Variants in SLC9C1 observed in about 807,000 individuals in gnomAD.
SLC9C1 encodes the protein sodium/hydrogen exchanger 10.
A neutral mutation model predicts 140.9 loss-of-function variants in SLC9C1; 97 were observed. The ratio of observed to expected loss-of-function variants is 0.69; its 90% CI spans 0.58 to 0.82. The LOEUF is 0.82. Ranked by LOEUF, SLC9C1 falls within the 40% of genes least tolerant of loss-of-function variation. SLC9C1 has a pLI of 0.00. For missense variants in SLC9C1, 1,340 were observed against 1,389.3 expected, an observed-to-expected ratio of 0.96 and a Z score of 0.56; for synonymous variants, 440 against 442.6, an observed-to-expected ratio of 0.99 and a Z score of 0.07.
rs1270494144 is a variant in SLC9C1, at chr3:112,204,621, A to G, written c.1987-218T>C. 2.8e-4 allele frequency among the ~76,000 whole-genome samples: 43 copies of G among 152,112 alleles called. 1 individual carries two copies. Among genetic ancestry groups the G allele is most frequent in the Admixed American group, 2.7e-3 (41 of 15,234 alleles). On this transcript the variant is annotated intron_variant, in intron 16 of 28. Transcript: ENST00000305815. ...ATTAATTTAGGATTGGGTTTAAAGG[A>G]CAGGTATAATGAAAACAAACAAATG...
chr3:112,237,052 G>A (rs1230532540), intron 12 of SLC9C1, among the ~76,000 whole-genome samples: 1 of 152,134 alleles, frequency 6.6e-6, no homozygotes, highest in Non-Finnish European at 1.5e-5. Context: ...TCTGTCTAAT[G>A]TTGACAGTGG....
intron 15 of SLC9C1, among the ~76,000 whole-genome samples, chr3:112,216,730 A>C (rs2078382684): frequency 6.6e-6 from 1 of 152,220 alleles, no homozygotes; most frequent in Admixed American, 6.5e-5. Flanking sequence ...GATGTGGAGA[A>C]ATAGGAACAC....
intron 10 of SLC9C1, among the ~76,000 whole-genome samples, chr3:112,253,739 C>G (rs1481382618): frequency 6.6e-6 from 1 of 152,164 alleles, no homozygotes; most frequent in African/African-American, 2.4e-5. Flanking sequence ...CTCCAAATGA[C>G]CACACTAGTT....
intron 10 of SLC9C1, 39 bp downstream of exon 10, chr3:112,262,885 T>G (rs2079814385): frequency 6.7e-7 from 1 of 1,484,994 alleles, no homozygotes; most frequent in East Asian, 2.5e-5. Context: ...AGTAATAGTT[T>G]TATACAATAT....
chr3:112,193,425 G>T (rs1576311729), intron 20 of SLC9C1, among the ~76,000 whole-genome samples: 1 of 152,232 alleles, frequency 6.6e-6, no homozygotes, highest in African/African-American at 2.4e-5. Context: ...GCAGAGGCTT[G>T]TGGGGCTGTT....
chr3:112,260,248 C>T (rs538022986), intron 10 of SLC9C1, among the ~76,000 whole-genome samples: 4 of 151,744 alleles, frequency 2.6e-5, no homozygotes, highest in Non-Finnish European at 4.4e-5. Flanking sequence ...AAGCTCATAA[C>T]GAAAATTTTT....
intron 11 of SLC9C1, among the ~76,000 whole-genome samples, chr3:112,241,155 C>T (rs952604101): frequency 6.6e-6 from 1 of 152,088 alleles, no homozygotes; most frequent in Non-Finnish European, 1.5e-5. Flanking sequence ...TAAAGTTTTA[C>T]ATTTTAAGAA....
At position 112,278,741 on chromosome 3, in the gene SLC9C1, C is replaced by T. The variant is rs767689084; in HGVS notation, c.306G>A (p.Lys102=). ...AFDMDTYMLQ[K]LFWQILLISI... is the part of the protein sequence containing the mutation. Reference sequence around the variant, plus strand: ...AAAGAATGCTTACCTGCCAAAATAACTTTTGAAGCATGTACGTATCCATGT... The same window carrying T: ...AAAGAATGCTTACCTGCCAAAATAATTTTTGAAGCATGTACGTATCCATGT... Residue 102 remains lysine (K), a synonymous_variant, in exon 4 of 29, where the codon AAG becomes AAA. Transcript: ENST00000305815. The T allele has an allele frequency of 6.9e-6, 11 of 1,599,822 alleles. No homozygotes were observed. Among genetic ancestry groups the T allele is most frequent in the Non-Finnish European group, 9.4e-6 (11 of 1,176,038 alleles).
At chr3:112,284,327 C>T (rs560675795) in intron 2 of SLC9C1, among the ~76,000 whole-genome samples, 12 of 152,304 alleles carry the variant, frequency 7.9e-5, no homozygotes, top group Middle Eastern at 3.4e-3. Context: ...AAATCCCAAT[C>T]AGTTTGACTA....
In SLC9C1 at chr3:112,269,941, T is replaced by A. The variant is rs745998835; in HGVS notation, c.750A>T (p.Ser250=). 1.3e-6 allele frequency: 2 copies of A among 1,573,430 alleles called. No individual in the cohort carries two copies. The highest frequency in any genetic ancestry group is 1.7e-6 in the Non-Finnish European group (2 of 1,163,710). Residue 250 remains serine, a synonymous_variant, in exon 7 of 29, where the codon TCA becomes TCT. Transcript: ENST00000305815. ...DDVNHISLIF[S]ILYLIFYICE... Reference sequence around the variant, plus strand: ...AAATATAAAAGATGAGATACAGAATTGAAAAGATGAGACTTATATGATTGA... The same window carrying A: ...AAATATAAAAGATGAGATACAGAATAGAAAAGATGAGACTTATATGATTGA...
At position 112,144,074 on chromosome 3, in the gene SLC9C1, T is replaced by A. The variant is rs2074711336; in HGVS notation, c.3525-2793A>T. 3.3e-5 allele frequency among the ~76,000 whole-genome samples: 5 copies of A among 152,250 alleles called. No homozygotes were observed. In the South Asian group the frequency reaches 1.0e-3, roughly 32 times the overall value. On this transcript the variant is annotated intron_variant, in intron 28 of 28. Transcript: ENST00000305815. ...GATGGTTGTAAGTGTGGGGCTTTAG[T>A]TATAGGTTCTCTATTCTGTTCCATT... is the stretch of plus-strand genomic sequence containing the variant.
intron 27 of SLC9C1, among the ~76,000 whole-genome samples, chr3:112,154,763 A>T (rs1394175588): frequency 1.3e-5 from 2 of 152,164 alleles, no homozygotes; most frequent in Non-Finnish European, 2.9e-5. Flanking sequence ...TTCAAGACAG[A>T]TCTTCTGGCA....
At chr3:112,232,425 G>A (rs997146426) in intron 12 of SLC9C1, among the ~76,000 whole-genome samples, 3 of 152,178 alleles carry the variant, frequency 2.0e-5, no homozygotes, top group Non-Finnish European at 4.4e-5. Context: ...TCAGGTATTG[G>A]AAGCTACTAG....
chr3:112,231,407 G>T lies in SLC9C1; in HGVS notation c.1526C>A (p.Thr509Asn), dbSNP rs199776585. The part of the protein sequence containing the change: ...CNKEIDEIFN[T>N]EAMELANRRL... ...CCTGTTGGCCAGCTCCATTGCTTCAGTGTTAAAGATCTCATCTATTTCCTT... is the reference window on the plus strand; with the variant it reads ...CCTGTTGGCCAGCTCCATTGCTTCATTGTTAAAGATCTCATCTATTTCCTT... Residue 509 changes from threonine (T) to asparagine (N), a missense_variant, in exon 13 of 29, where the codon ACT (threonine) becomes AAT (asparagine). By Grantham distance (65) the Thr-to-Asn change is moderately conservative. Coordinates refer to ENST00000305815, the MANE Select transcript of SLC9C1 (RefSeq NM_183061.3). The T allele has an allele frequency of 3.0e-5, 48 of 1,613,378 alleles. No homozygotes were observed. The highest frequency in any genetic ancestry group is 1.3e-4 in the Admixed American group (8 of 59,874).
rs1553696715 is a variant in SLC9C1, at chr3:112,244,096, A to C, written c.1198-20T>G. 1 of 1,477,602 alleles carries C rather than the reference A, an allele frequency of 6.8e-7. No individual in the cohort carries two copies. Among genetic ancestry groups the C allele is most frequent in the South Asian group, 1.2e-5 (1 of 82,714 alleles). 91.5% of individuals were successfully genotyped at this position (1,477,602 alleles called of 1,614,324 possible). On this transcript the variant is annotated intron_variant, in intron 10 of 28. Coordinates refer to ENST00000305815, the MANE Select transcript of SLC9C1 (RefSeq NM_183061.3). ...TAATATCTAGAATTGAAAAAAATAC[A>C]AAGTAAGTATTCATGACAATTTCAT... is the stretch of plus-strand genomic sequence containing the variant.
chr3:112,217,994 T>C (rs2078432110), intron 14 of SLC9C1, among the ~76,000 whole-genome samples: 1 of 152,196 alleles, frequency 6.6e-6, no homozygotes, highest in African/African-American at 2.4e-5. Flanking sequence ...AAAGCATGTA[T>C]AAAGCATCCA....
chr3:112,194,109 G>A (rs539455046), intron 20 of SLC9C1, among the ~76,000 whole-genome samples: 32 of 152,188 alleles, frequency 2.1e-4, no homozygotes, highest in East Asian at 7.7e-4. Flanking sequence ...GGAGTGGGGC[G>A]TGCACACCTT....
intron 10 of SLC9C1, among the ~76,000 whole-genome samples, chr3:112,248,293 T>C (rs1396215073): frequency 1.0e-5 from 1 of 96,250 alleles, no homozygotes; most frequent in Non-Finnish European, 2.4e-5. Flanking sequence ...ACTCCCAATT[T>C]ATGCTTAAAT....
intron 23 of SLC9C1, among the ~76,000 whole-genome samples, chr3:112,171,847 T>C (rs753499938): frequency 2.6e-5 from 4 of 152,190 alleles, no homozygotes; most frequent in Non-Finnish European, 5.9e-5. Flanking sequence ...GTTTTCAGGA[T>C]TATTTGTTGA....
Sources: gnomAD v4.1 joint callset for allele counts (sites outside exome capture counted in the v4.1 genomes callset) on GRCh38, gnomAD v4.1.1 for gene constraint, MANE v1.5 for transcripts, NCBI Gene and HGNC (gene_info 2026-07-23, HGNC 2026-07-21) for gene names.